The following RAD21 variants were observed in gnomAD, a reference collection of about 807,000 sequenced individuals.
RAD21 encodes the protein double-strand-break repair protein rad21 homolog.
Under a neutral mutation model 71.5 loss-of-function variants are expected in RAD21, and 18 were observed. That is an observed-to-expected ratio of 0.25 (90% confidence interval 0.17 to 0.37). The LOEUF is 0.37. RAD21 is among the 10% of genes least tolerant of loss of function. The pLI is 1.00. For missense variants in RAD21, 493 were observed against 769.1 expected (o/e 0.64, Z 4.25); for synonymous variants, 248 against 254.0 (o/e 0.98, Z 0.22).
chr8:116,850,237 T>C (rs941257116), intron 12 of RAD21, among the ~76,000 whole-genome samples: 4 of 152,076 alleles, frequency 2.6e-5, no homozygotes, highest in Non-Finnish European at 5.9e-5. Flanking sequence ...GGAAAACATA[T>C]GGTTATCTGA....
intron 11 of RAD21, 160 bp from the exon 12 acceptor site, chr8:116,850,927 C>CTT (rs921530344): frequency 2.3e-6 from 1 of 440,946 alleles, no homozygotes; most frequent in Admixed American, 3.8e-5. Flanking sequence ...CAGTATATAT[C>CTT]TTTTTTGATT....
chr8:116,866,742 C>A lies in RAD21; in HGVS notation c.-13G>T. On this transcript the variant is annotated 5_prime_UTR_variant, in exon 2 of 14. Transcript: ENST00000297338. ...GTGCGTAGAACATTGTTCTGGCTGGCTATGAAAACAGAAGAAAACCTAAGA... is the reference window on the plus strand; with the variant it reads ...GTGCGTAGAACATTGTTCTGGCTGGATATGAAAACAGAAGAAAACCTAAGA... 1 of 1,581,582 alleles carries A rather than the reference C, an allele frequency of 6.3e-7. No individual in the cohort carries two copies. Among genetic ancestry groups the A allele is most frequent in the Non-Finnish European group, 8.6e-7 (1 of 1,165,416 alleles).
chr8:116,847,011 T>C lies in RAD21; in HGVS notation c.*489A>G, dbSNP rs1812263619. On this transcript the variant is annotated 3_prime_UTR_variant, in exon 14 of 14. Transcript: ENST00000297338. ...GTGACCATTGTTGTTTCAGATACCA[T>C]CCCTAAGGAGAGTGGTTAACAGGAA... The C allele has an allele frequency of 4.6e-6, 1 of 219,646 alleles. No homozygotes were observed. The highest frequency in any genetic ancestry group is 9.1e-6 in the Non-Finnish European group (1 of 109,466). 13.6% of individuals were successfully genotyped at this position (219,646 alleles called of 1,614,324 possible).
At chr8:116,859,950 A>G (rs17426110) in intron 4 of RAD21, among the ~76,000 whole-genome samples, 3,956 of 152,298 alleles carry the variant, frequency 0.026, 181 homozygotes, top group African/African-American at 0.09. Flanking sequence ...GTGAACATGA[A>G]TAAGAAAACA....
rs764270801 is a variant in RAD21, at chr8:116,847,014, C to T, written c.*486G>A. The T allele has an allele frequency of 9.1e-6, 2 of 219,886 alleles. No homozygotes were observed. The highest frequency in any genetic ancestry group is 1.8e-5 in the Non-Finnish European group (2 of 109,650). The allele number at this position is 219,886 out of a possible 1,614,324, so 13.6% of individuals were successfully genotyped here. A position where few individuals can be genotyped will look rare whatever the true frequency, so the allele number is the denominator to read the frequency against. On this transcript the variant is annotated 3_prime_UTR_variant, in exon 14 of 14. Coordinates refer to ENST00000297338, the MANE Select transcript of RAD21 (RefSeq NM_006265.3). ...ACCATTGTTGTTTCAGATACCATCC[C>T]TAAGGAGAGTGGTTAACAGGAAGAT... is the stretch of plus-strand genomic sequence containing the variant.
At chr8:116,856,597 C>G (rs772764640) in intron 7 of RAD21, 49 bp downstream of exon 7, 16 of 1,518,464 alleles carry the variant, frequency 1.1e-5, no homozygotes, top group Non-Finnish European at 1.2e-5. Flanking sequence ...AAGTATCTTT[C>G]TGGATGCCAT....
chr8:116,873,945 C>G (rs930350476), intron 1 of RAD21, among the ~76,000 whole-genome samples: 8 of 152,188 alleles, frequency 5.3e-5, no homozygotes, highest in Admixed American at 5.2e-4. Flanking sequence ...GAAAAAGAAG[C>G]AACTTCCCTC....
At chr8:116,859,100 G>GAAAAAAAA (rs34657051) in intron 4 of RAD21, among the ~76,000 whole-genome samples, 1 of 88,948 alleles carries the variant, frequency 1.1e-5, no homozygotes, top group Non-Finnish European at 2.7e-5. Context: ...CGAACTGGGA[G>GAAAAAAAA]AAAAAAAAAA....
chr8:116,864,576 A>C (rs1812654769), intron 2 of RAD21, among the ~76,000 whole-genome samples: 1 of 152,124 alleles, frequency 6.6e-6, no homozygotes, highest in African/African-American at 2.4e-5. Flanking sequence ...ATTTTAAAAA[A>C]ATTCAAAGTA....
chr8:116,852,482 A>G, intron 10 of RAD21, 67 bp downstream of exon 10: 1 of 1,449,266 alleles, frequency 6.9e-7, no homozygotes, highest in Non-Finnish European at 9.3e-7. Flanking sequence ...CTCTGACAGT[A>G]TAAAGGTAAA....
intron 9 of RAD21, 70 bp downstream of exon 9, chr8:116,854,175 A>T: frequency 1.6e-6 from 2 of 1,264,208 alleles, no homozygotes; most frequent in Non-Finnish European, 2.2e-6. Context: ...AATGATTCAA[A>T]GGTTTTAGAA....
rs371205028 is a variant in RAD21 at position 116,852,811 on chromosome 8, G to A, written c.1162-103C>T. The A allele has an allele frequency of 3.6e-6, 3 of 831,610 alleles. No homozygotes were observed. In the African/African-American group the frequency reaches 5.4e-5, roughly 15 times the overall value. 51.5% of individuals were successfully genotyped at this position (831,610 alleles called of 1,614,324 possible). On this transcript the variant is annotated intron_variant, in intron 9 of 13. Transcript: ENST00000297338. ...CAAAGGTATGTTCTAATAAATATAA[G>A]TGTATAATTTAGCATGGCTTTTATC...
chr8:116,854,917 T>C (rs1488852934), intron 8 of RAD21, among the ~76,000 whole-genome samples: 1 of 152,212 alleles, frequency 6.6e-6, no homozygotes, highest in Non-Finnish European at 1.5e-5. Context: ...ATATGGCAGT[T>C]GTGGAAGCTG....
At chr8:116,847,793 G>T in intron 13 of RAD21, 102 bp from the exon 14 acceptor site, 2 of 1,114,364 alleles carry the variant, frequency 1.8e-6, no homozygotes, top group Non-Finnish European at 2.5e-6. Flanking sequence ...CAAATCTCAT[G>T]CTGAAACGTA....
At chr8:116,859,998 G>T (rs894602911) in intron 4 of RAD21, among the ~76,000 whole-genome samples, 2 of 152,142 alleles carry the variant, frequency 1.3e-5, no homozygotes, top group Non-Finnish European at 2.9e-5. Flanking sequence ...AGTTTCAGTG[G>T]TATAGACAGA....
chr8:116,863,396 G>A (rs1265045082), intron 2 of RAD21, 137 bp from the exon 3 acceptor site: 3 of 919,404 alleles, frequency 3.3e-6, no homozygotes, highest in Non-Finnish European at 4.7e-6. Context: ...CCTGAATATC[G>A]AATATCCTGA....
chr8:116,856,457 A>G (rs972186162), intron 7 of RAD21, among the ~76,000 whole-genome samples, 169 bp from the exon 8 acceptor site: 25 of 152,244 alleles, frequency 1.6e-4, no homozygotes, highest in African/African-American at 4.3e-4. Flanking sequence ...ACTTGAACCC[A>G]ATTGGCCAAA....
rs533624536 is a variant in RAD21 at position 116,863,328 on chromosome 8, T to G, written c.145-69A>C. ...GCCATTCATAGTCTTCTTTTTATCT[T>G]TTTCCTTTAAAGTTGCCTTATAATC... is the stretch of plus-strand genomic sequence containing the variant. On this transcript the variant is annotated intron_variant, in intron 2 of 13. Coordinates refer to ENST00000297338, the MANE Select transcript of RAD21 (RefSeq NM_006265.3). The G allele has an allele frequency of 2.5e-5, 38 of 1,510,894 alleles. No homozygotes were observed. In the South Asian group the frequency reaches 4.7e-4, roughly 19 times the overall value. The allele number at this position is 1,510,894 out of a possible 1,614,324, so 93.6% of individuals were successfully genotyped here.
At chr8:116,860,258 T>C (rs554632016) in intron 4 of RAD21, among the ~76,000 whole-genome samples, 10 of 152,324 alleles carry the variant, frequency 6.6e-5, no homozygotes, top group South Asian at 2.1e-4. Context: ...ACTGTGAATA[T>C]TGCTGAAACA....
Sources: gnomAD v4.1 joint callset for allele counts (sites outside exome capture counted in the v4.1 genomes callset) on GRCh38, gnomAD v4.1.1 for gene constraint, MANE v1.5 for transcripts, NCBI Gene and HGNC (gene_info 2026-07-23, HGNC 2026-07-21) for gene names.